MATN4: variants seen among roughly 807,000 people sequenced by gnomAD.
MATN4 encodes matrilin-4.
MATN4 carries 40 observed loss-of-function variants against 54.6 expected under a neutral mutation model. The ratio of observed to expected loss-of-function variants is 0.73; its 90% CI spans 0.57 to 0.95. MATN4 has a LOEUF of 0.95. MATN4 is among the 40% of genes least tolerant of loss of function. MATN4 has a pLI of 0.00. For synonymous variants in MATN4, 351 were observed against 345.3 expected (o/e 1.02, Z -0.18); for missense variants, 810 against 819.1 (o/e 0.99, Z 0.13).
At position 45,293,821 on chromosome 20, in the gene MATN4, G is replaced by T; in HGVS notation, c.1692C>A (p.Ala564=). 1 of 1,611,552 alleles carries T rather than the reference G, an allele frequency of 6.2e-7. No homozygotes were observed. Among genetic ancestry groups the T allele is most frequent in the Non-Finnish European group, 8.5e-7 (1 of 1,179,958 alleles). ...GATCCTCCAGGCGCGCCGTCAGCTG[G>T]GCCAGTGAGCGGTTAAGGAGGCCGT... The part of the protein sequence containing the change: ...GALESLTLNL[A]QLTARLEDLE... Residue 564 remains alanine, a synonymous_variant, in exon 10 of 10, where the codon GCC becomes GCA. Coordinates refer to ENST00000372756, the MANE Select transcript of MATN4 (RefSeq NM_001393530.1).
chr20:45,299,795 T>A (rs1271013540), intron 6 of MATN4, among the ~76,000 whole-genome samples: 1 of 149,850 alleles, frequency 6.7e-6, no homozygotes, highest in African/African-American at 2.5e-5. Context: ...GGAGAATCAG[T>A]TGAGCCCCAG....
chr20:45,303,098 A>AG (rs1040215456), intron 3 of MATN4, among the ~76,000 whole-genome samples: 1 of 143,124 alleles, frequency 7.0e-6, no homozygotes, highest in African/African-American at 2.5e-5. Context: ...AAAAAAAAAA[A>AG]AAAAAAGAGA....
chr20:45,296,613 T>A (rs1335533979), intron 8 of MATN4, among the ~76,000 whole-genome samples: 1 of 151,826 alleles, frequency 6.6e-6, no homozygotes, highest in African/African-American at 2.4e-5. Context: ...AGAGAAAAGT[T>A]AAGGTAGGTG....
At chr20:45,301,998 T>C (rs1986262198) in intron 3 of MATN4, among the ~76,000 whole-genome samples, 1 of 152,104 alleles carries the variant, frequency 6.6e-6, no homozygotes, top group South Asian at 2.1e-4. Flanking sequence ...TCAATTATAA[T>C]GAGTTTTTCG....
chr20:45,297,195 T>G (rs1448903545), intron 8 of MATN4, among the ~76,000 whole-genome samples: 1 of 151,116 alleles, frequency 6.6e-6, no homozygotes, highest in Non-Finnish European at 1.5e-5. Flanking sequence ...CCCTACTTAG[T>G]CTGTTTCTGG....
intron 8 of MATN4, among the ~76,000 whole-genome samples, chr20:45,297,041 A>C (rs1350103568): frequency 1.3e-5 from 2 of 151,906 alleles, no homozygotes; most frequent in African/African-American, 4.8e-5. Flanking sequence ...CATGTTGCCA[A>C]GGATGGTCTC....
chr20:45,306,905 G>A (rs2145677028), intron 1 of MATN4: 1 of 1,256,194 alleles, frequency 8.0e-7, no homozygotes, highest in Non-Finnish European at 1.0e-6. Flanking sequence ...TGAGCGGCTG[G>A]GGCCCCGTGG....
chr20:45,298,263 G>C lies in MATN4; in HGVS notation c.1333C>G (p.Arg445Gly), dbSNP rs375411740. The change falls in exon 7 of 10, where the codon CGT (arginine) becomes GGT (glycine). Residue 445 changes from arginine (R) to glycine (G), a missense_variant. By Grantham distance (125) the Arg-to-Gly change is moderately radical. Coordinates refer to ENST00000372756, the MANE Select transcript of MATN4 (RefSeq NM_001393530.1). The surrounding 1 kb of genome is among the most constrained non-coding windows in gnomAD (Gnocchi z 4.6). ...SFSEAQGARP[R>G]ALNVPRVGLV... Reference sequence around the variant, plus strand: ...CCAACACGAGGCACGTTAAGGGCACGGGGCCGTGCACCCTGCGCCTCGGAG... The same window carrying C: ...CCAACACGAGGCACGTTAAGGGCACCGGGCCGTGCACCCTGCGCCTCGGAG... 8.7e-6 allele frequency: 14 copies of C among 1,613,060 alleles called. No homozygotes were observed. Among genetic ancestry groups the C allele is most frequent in the Non-Finnish European group, 1.1e-5 (13 of 1,179,740 alleles).
At chr20:45,294,090 G>C in intron 8 of MATN4, 75 bp from the exon 9 acceptor site, 2 of 1,165,572 alleles carry the variant, frequency 1.7e-6, no homozygotes, top group South Asian at 2.6e-5. Flanking sequence ...CCTGCACTGG[G>C]CCTATGGTTG....
intron 3 of MATN4, among the ~76,000 whole-genome samples, chr20:45,303,214 C>T (rs768496546): frequency 3.9e-5 from 6 of 152,076 alleles, no homozygotes; most frequent in Middle Eastern, 6.3e-3. Flanking sequence ...CTGTGGGCTC[C>T]CACCAGGGAC....
intron 8 of MATN4, among the ~76,000 whole-genome samples, chr20:45,296,600 C>T (rs891927806): frequency 2.0e-5 from 3 of 151,796 alleles, no homozygotes; most frequent in Non-Finnish European, 4.4e-5. Context: ...CTCCTGTTAC[C>T]GAAGAGAAAA....
Position 45,301,320 on chromosome 20 carries a change from C to A in MATN4, c.766+1G>T, listed in dbSNP as rs1419636920. 6.2e-7 allele frequency: 1 copy of A among 1,614,150 alleles called. No homozygotes were observed. Among genetic ancestry groups the A allele is most frequent in the South Asian group, 1.1e-5 (1 of 91,084 alleles). ...GGTGGGAGGGTGGGGGTGTTGCTCA[C>A]CCCTGCAGCTCCTCTGGTCCTGCTG... On this transcript the variant is annotated splice_donor_variant, in intron 4 of 9. Coordinates refer to ENST00000372756, the MANE Select transcript of MATN4 (RefSeq NM_001393530.1). LOFTEE classifies it high-confidence loss of function.
At chr20:45,295,303 A>G (rs1026966594) in intron 8 of MATN4, among the ~76,000 whole-genome samples, 1 of 152,346 alleles carries the variant, frequency 6.6e-6, no homozygotes, top group South Asian at 2.1e-4. Flanking sequence ...CAGCATCGGC[A>G]TCGTGTAGGA....
At chr20:45,307,966 G>A (rs1167112073) in intron 1 of MATN4, among the ~76,000 whole-genome samples, 2 of 152,164 alleles carry the variant, frequency 1.3e-5, no homozygotes, top group African/African-American at 2.4e-5. Flanking sequence ...GGGGTTCCTG[G>A]AGGGATGAGA....
rs771957991 is a variant in MATN4, at chr20:45,304,764, A to G, written c.107T>C (p.Val36Ala). 1 of 1,594,346 alleles carries G rather than the reference A, an allele frequency of 6.3e-7. No homozygotes were observed. Among genetic ancestry groups the G allele is most frequent in the African/African-American group, 1.3e-5 (1 of 74,464 alleles). ...GCTGCGGGAGCTGTCAATCACGAACACCAGATCCAGGGGCCCAGTGTGACA... is the reference window on the plus strand; with the variant it reads ...GCTGCGGGAGCTGTCAATCACGAACGCCAGATCCAGGGGCCCAGTGTGACA... ...PRCHTGPLDL[V>A]FVIDSSRSVR... is the part of the protein sequence containing the mutation. Residue 36 changes from valine to alanine, a missense_variant, in exon 3 of 10, where the codon GTG becomes GCG. Val to Ala is a moderately conservative substitution (Grantham distance 64, BLOSUM62 0). Coordinates refer to ENST00000372756, the MANE Select transcript of MATN4 (RefSeq NM_001393530.1).
chr20:45,298,107 C>CG lies in MATN4; in HGVS notation c.1427-38dup. The CG allele has an allele frequency of 1.2e-6, 2 of 1,604,216 alleles. No individual in the cohort carries two copies. The highest frequency in any genetic ancestry group is 1.7e-6 in the Non-Finnish European group (2 of 1,172,936). ...GGGTCTCAGAGGGTGCCCCAGGCCT[C>CG]GGGAAAGCTGCCTCCCAGCGTCTGA... On this transcript the variant is annotated intron_variant, in intron 7 of 9. Transcript: ENST00000372756. This position sits in a 1 kb window ranked among gnomAD's most constrained non-coding sequence, Gnocchi z 4.6.
In MATN4 at chr20:45,298,481, A is replaced by G; in HGVS notation, c.1115T>C (p.Val372Ala). ...CTCGGGGGACACATCTAGGAAGTCC[A>G]CAATCTGGTTCACGAAGCGCTTCAC... ...ELVKRFVNQI[V>A]DFLDVSPEGT... is the part of the protein sequence containing the mutation. Residue 372 changes from valine to alanine, a missense_variant, in exon 7 of 10, where the codon GTG becomes GCG. By Grantham distance (64) the Val-to-Ala change is moderately conservative. Transcript: ENST00000372756. The surrounding 1 kb of genome is among the most constrained non-coding windows in gnomAD (Gnocchi z 4.6). 1 of 1,613,834 alleles carries G rather than the reference A, an allele frequency of 6.2e-7. No homozygotes were observed. The highest frequency in any genetic ancestry group is 1.7e-5 in the Admixed American group (1 of 60,004).
At chr20:45,302,735 T>C (rs1210523273) in intron 3 of MATN4, among the ~76,000 whole-genome samples, 7 of 151,978 alleles carry the variant, frequency 4.6e-5, no homozygotes, top group African/African-American at 1.7e-4. Context: ...ACCCACCTAA[T>C]TGAAGACCCC....
intron 3 of MATN4, among the ~76,000 whole-genome samples, chr20:45,303,756 G>A (rs1244366252): frequency 6.6e-6 from 1 of 152,240 alleles, no homozygotes; most frequent in African/African-American, 2.4e-5. Context: ...GGCTGGGACA[G>A]GACTACACAG....
Sources: allele counts gnomAD v4.1 joint callset (sites outside exome capture counted in the v4.1 genomes callset), GRCh38; gene constraint gnomAD v4.1.1; non-coding constraint Gnocchi (gnomAD v3.1); transcripts MANE v1.5; gene names NCBI Gene and HGNC (gene_info 2026-07-23, HGNC 2026-07-21).